Variants in SLC13A4 observed in about 807,000 individuals in gnomAD.
SLC13A4 encodes the protein solute carrier family 13 member 4, also known as Na(+)/sulfate cotransporter SUT-1.
In SLC13A4, 28 loss-of-function variants were observed where a neutral mutation model predicts 72.7. The ratio of observed to expected loss-of-function variants is 0.39; its 90% CI spans 0.29 to 0.53. SLC13A4 has a LOEUF of 0.53. SLC13A4 is among the 20% of genes least tolerant of loss of function. The pLI is 0.78. For missense variants in SLC13A4, 653 were observed against 788.0 expected (o/e 0.83, Z 2.05); for synonymous variants, 312 against 325.5 (o/e 0.96, Z 0.45).
chr7:135,706,231 G>A lies in SLC13A4; in HGVS notation c.435C>T (p.Ala145=), dbSNP rs772516476. The A allele has an allele frequency of 5.0e-6, 8 of 1,613,878 alleles. No individual in the cohort carries two copies. The highest frequency in any genetic ancestry group is 6.8e-6 in the Non-Finnish European group (8 of 1,179,866). ...CGGCCTCCACGATGGGCATCACCATGGCGGTGGTGGAGGTGTTGGACAGCC... is the reference window on the plus strand; with the variant it reads ...CGGCCTCCACGATGGGCATCACCATAGCGGTGGTGGAGGTGTTGGACAGCC... ...SMWLSNTSTT[A]MVMPIVEAVL... The change falls in exon 4 of 16, where the codon GCC becomes GCT. Residue 145 remains alanine, a synonymous_variant. Transcript: ENST00000682651.
intron 1 of SLC13A4, 96 bp from the exon 2 acceptor site, chr7:135,721,619 T>C (rs1796551800): frequency 2.0e-6 from 3 of 1,492,232 alleles, no homozygotes; most frequent in East Asian, 4.8e-5. Flanking sequence ...AGACTCAGAC[T>C]GTAACGCGGG....
chr7:135,722,260 ACAAG>A (rs61505654), intron 1 of SLC13A4, among the ~76,000 whole-genome samples: 28,712 of 151,644 alleles, frequency 0.19, 2,999 homozygotes, highest in Admixed American at 0.3. Flanking sequence ...TCTCAAAAAA[ACAAG>A]CAAACAAACA....
chr7:135,724,492 CTG>C (rs1796610993), intron 1 of SLC13A4, among the ~76,000 whole-genome samples: 1 of 109,402 alleles, frequency 9.1e-6, no homozygotes, highest in Non-Finnish European at 1.7e-5. Context: ...GAGTGAGACT[CTG>C]TCTCAGAAAA....
At chr7:135,727,045 C>G (rs1314888637) in intron 1 of SLC13A4, among the ~76,000 whole-genome samples, 1 of 152,334 alleles carries the variant, frequency 6.6e-6, no homozygotes, top group South Asian at 2.1e-4. Flanking sequence ...GAACTCCCGA[C>G]AAACACAGGT....
At chr7:135,695,226 G>T in intron 9 of SLC13A4, 142 bp downstream of exon 9, 2 of 1,106,038 alleles carry the variant, frequency 1.8e-6, no homozygotes, top group Non-Finnish European at 2.6e-6. Context: ...CTGACTCTCA[G>T]ACCAGACCAC....
chr7:135,708,012 C>A, intron 3 of SLC13A4, 102 bp downstream of exon 3: 1 of 1,443,618 alleles, frequency 6.9e-7, no homozygotes, highest in Non-Finnish European at 9.4e-7. Flanking sequence ...GGTAAAAAAA[C>A]AGCTGAAGTG....
rs573791973 is a variant in SLC13A4, at chr7:135,691,231, C to A, written c.1416G>T (p.Gly472=). 2.5e-6 allele frequency: 4 copies of A among 1,612,596 alleles called. No homozygotes were observed. The highest frequency in any genetic ancestry group is 2.5e-6 in the Non-Finnish European group (3 of 1,179,630). The change falls in exon 13 of 16, where the codon GGG becomes GGT. Residue 472 remains glycine, a synonymous_variant. Transcript: ENST00000682651. ...TMPWEIVILV[G]GGYALASGSK... The stretch of plus-strand genomic sequence containing the variant: ...TACCAGAAGCCAGAGCATAGCCTCC[C>A]CCAACCAGAATGACAATCTCCCAGG...
chr7:135,719,948 A>T (rs1584741407), intron 2 of SLC13A4, among the ~76,000 whole-genome samples: 1 of 128,728 alleles, frequency 7.8e-6, no homozygotes, highest in Admixed American at 8.2e-5. Context: ...CAGGGGAGGG[A>T]GTTGGGGGGA....
At position 135,727,890 on chromosome 7, in the gene SLC13A4, A is replaced by G. The variant is rs1479164308; in HGVS notation, c.-394T>C. On this transcript the variant is annotated 5_prime_UTR_variant, in exon 1 of 16. The change abolishes the stop of an existing upstream ORF in the 5' untranslated region. Transcript: ENST00000682651. The stretch of plus-strand genomic sequence containing the variant: ...CTGCTCGGCCTTGAAGAAATCATTT[A>G]AAAGCTTAAAAACATTAAAAACGCT... 1 of 174,222 alleles carries G rather than the reference A, an allele frequency of 5.7e-6. No individual in the cohort carries two copies. The highest frequency in any genetic ancestry group is 2.4e-5 in the African/African-American group (1 of 42,398). 10.8% of individuals were successfully genotyped at this position (174,222 alleles called of 1,614,324 possible). A position where few individuals can be genotyped will look rare whatever the true frequency, so the allele number is the denominator to read the frequency against.
intron 2 of SLC13A4, among the ~76,000 whole-genome samples, chr7:135,712,319 C>G (rs913447359): frequency 6.6e-6 from 1 of 151,720 alleles, no homozygotes; most frequent in African/African-American, 2.4e-5. Flanking sequence ...TCGGGAGACA[C>G]GGCCTGGGGC....
chr7:135,717,051 C>T (rs1368997751), intron 2 of SLC13A4, among the ~76,000 whole-genome samples: 2 of 152,200 alleles, frequency 1.3e-5, no homozygotes, highest in Non-Finnish European at 2.9e-5. Context: ...TGCCACCGTA[C>T]ATTAGCACCG....
In SLC13A4 at chr7:135,727,588, C is replaced by G. The variant is rs1345098117; in HGVS notation, c.-92G>C. On this transcript the variant is annotated 5_prime_UTR_variant, in exon 1 of 16. Transcript: ENST00000682651. ...CACTGCTCTCTATCCAGAAAGACTT[C>G]TTAAACCTTTCTTGGCTTCCGAGAG... The G allele has an allele frequency of 2.9e-5, 42 of 1,432,560 alleles. No homozygotes were observed. Among genetic ancestry groups the G allele is most frequent in the Non-Finnish European group, 3.6e-5 (39 of 1,075,092 alleles). The allele number at this position is 1,432,560 out of a possible 1,614,324, so 88.7% of individuals were successfully genotyped here.
At chr7:135,683,521 G>A (rs1428040483) in intron 15 of SLC13A4, 1 of 984,978 alleles carries the variant, frequency 1.0e-6, no homozygotes, top group Admixed American at 6.2e-5. Context: ...AGCAGCAGGT[G>A]TATAGGTAGA....
Position 135,702,888 on chromosome 7 carries a change from G to A in SLC13A4, c.594-4C>T. The A allele has an allele frequency of 6.2e-7, 1 of 1,612,956 alleles. No homozygotes were observed. Among genetic ancestry groups the A allele is most frequent in the South Asian group, 1.1e-5 (1 of 91,058 alleles). ...GGTGAGGTCTGCGTTGGACCTGCTG[G>A]AACCAAGCAGAGGACACAGGAGCCA... On this transcript the variant is annotated splice_region_variant and splice_polypyrimidine_tract_variant and intron_variant, in intron 5 of 15. Transcript: ENST00000682651.
intron 6 of SLC13A4, chr7:135,702,631 C>A: frequency 3.8e-6 from 2 of 525,830 alleles, no homozygotes; most frequent in Non-Finnish European, 6.8e-6. Context: ...CTGCTGTGGC[C>A]TCCCAAAGTG....
At chr7:135,699,825 A>C (rs950334771) in intron 7 of SLC13A4, among the ~76,000 whole-genome samples, 1 of 152,212 alleles carries the variant, frequency 6.6e-6, no homozygotes, top group Non-Finnish European at 1.5e-5. Flanking sequence ...GCATTTAATG[A>C]ATGGTAGGCT....
In SLC13A4 at chr7:135,681,601, C is replaced by T; in HGVS notation, c.1846G>A (p.Ala616Thr). Residue 616 changes from alanine to threonine, a missense_variant, in exon 16 of 16, where the codon GCA (alanine) becomes ACA (threonine). Transcript: ENST00000682651. ...GTGATGTTGCTGACCCTCGCCCATG[C>T]TGGGTAAGTGTCCAGGTGGAAGAGG... ...VSLFHLDTYP[A>T]WARVSNITDQ... 1 of 1,614,138 alleles carries T rather than the reference C, an allele frequency of 6.2e-7. No homozygotes were observed. Among genetic ancestry groups the T allele is most frequent in the Non-Finnish European group, 8.5e-7 (1 of 1,180,000 alleles).
chr7:135,705,705 G>A (rs1362288643), intron 4 of SLC13A4, 55 bp from the exon 5 acceptor site: 13 of 1,523,556 alleles, frequency 8.5e-6, no homozygotes, highest in African/African-American at 1.4e-5. Flanking sequence ...GGCTGACCCT[G>A]TGGGTTGGAG....
In SLC13A4 at chr7:135,683,590, C is replaced by G. The variant is rs184030542; in HGVS notation, c.1746+534G>C. The G allele has an allele frequency of 4.5e-5, 44 of 985,368 alleles. 1 individual carries two copies. Among genetic ancestry groups the G allele is most frequent in the Middle Eastern group, 5.2e-4 (1 of 1,914 alleles). 61.0% of individuals were successfully genotyped at this position (985,368 alleles called of 1,614,324 possible). ...CAGCAGCAAAATATCTCAAAGCCAT[C>G]TTTTGTGAGCCCAGCTGAAAATGAA... On this transcript the variant is annotated intron_variant, in intron 15 of 15. Transcript: ENST00000682651.
Sources: gnomAD v4.1 joint callset for allele counts (sites outside exome capture counted in the v4.1 genomes callset) on GRCh38, gnomAD v4.1.1 for gene constraint, MANE v1.5 for transcripts, NCBI Gene and HGNC (gene_info 2026-07-23, HGNC 2026-07-21) for gene names.